The following MBD5 variants were observed in gnomAD, a reference collection of about 807,000 sequenced individuals.
The protein encoded by MBD5 is methyl-CpG binding domain protein 5.
MBD5 carries 13 observed loss-of-function variants against 117.3 expected under a neutral mutation model. The ratio of observed to expected loss-of-function variants is 0.11; its 90% CI spans 0.07 to 0.18. The LOEUF (loss-of-function observed/expected upper bound fraction) is 0.18, where lower values mean the gene tolerates loss of function less well. Among genes scored for constraint, MBD5 ranks in the 10% least tolerant of loss-of-function variants. The probability of loss-of-function intolerance (pLI) is 1.00; values close to 1 mark genes in which losing one functional copy is unlikely to be tolerated. For synonymous variants in MBD5, 727 were observed against 766.4 expected, an observed-to-expected ratio of 0.95 and a Z score of 0.85; for missense variants, 1,879 against 2,093.8, an observed-to-expected ratio of 0.90 and a Z score of 2.00.
At chr2:148,200,903 A>G (rs888684117) in intron 2 of MBD5, among the ~76,000 whole-genome samples, 3 of 152,198 alleles carry the variant, frequency 2.0e-5, no homozygotes, top group Non-Finnish European at 2.9e-5. Flanking sequence ...AGCTGCTTTA[A>G]AACTTTTTTT....
chr2:148,112,581 T>G (rs1696527082), intron 1 of MBD5, among the ~76,000 whole-genome samples: 1 of 152,212 alleles, frequency 6.6e-6, no homozygotes, highest in African/African-American at 2.4e-5. Context: ...TTTACAGTAC[T>G]TAATACAAAT....
At chr2:148,095,096 T>A (rs1376386379) in intron 1 of MBD5, among the ~76,000 whole-genome samples, 1 of 152,178 alleles carries the variant, frequency 6.6e-6, no homozygotes, top group Admixed American at 6.6e-5. Context: ...TCACTAAATA[T>A]AGTTAAAAGA....
chr2:148,349,596 A>C (rs1188597062), intron 4 of MBD5, among the ~76,000 whole-genome samples: 1 of 151,970 alleles, frequency 6.6e-6, no homozygotes, highest in East Asian at 1.9e-4. Context: ...ACAGCAGGAA[A>C]CTGAGGTTCT....
chr2:148,167,831 ATTTG>A (rs1297381385), intron 1 of MBD5, among the ~76,000 whole-genome samples: 26 of 151,770 alleles, frequency 1.7e-4, no homozygotes. Context: ...TTATTTGGTG[ATTTG>A]TTTGTTTGCT....
At chr2:148,265,061 A>ACG (rs1700823213) in intron 3 of MBD5, 1 of 97,812 alleles carries the variant, frequency 1.0e-5, no homozygotes, top group African/African-American at 3.4e-5. Context: ...GCATGTAGAC[A>ACG]CACGCACACA....
intron 4 of MBD5, among the ~76,000 whole-genome samples, chr2:148,433,316 T>C (rs1041157373): frequency 6.6e-6 from 1 of 152,186 alleles, no homozygotes; most frequent in Non-Finnish European, 1.5e-5. Context: ...GTAGTTTGAC[T>C]TCCTCTCTAT....
At chr2:148,319,332 A>T (rs1248812680) in intron 3 of MBD5, among the ~76,000 whole-genome samples, 1 of 152,212 alleles carries the variant, frequency 6.6e-6, no homozygotes, top group Non-Finnish European at 1.5e-5. Context: ...ATGAATCTGT[A>T]GATTGCTTTG....
chr2:148,295,104 G>A (rs1436562473), intron 3 of MBD5, among the ~76,000 whole-genome samples: 1 of 152,130 alleles, frequency 6.6e-6, no homozygotes. Context: ...AATTTTGGAA[G>A]TTTCCAGCCA....
intron 1 of MBD5, among the ~76,000 whole-genome samples, chr2:148,173,336 G>C (rs1488079122): frequency 1.3e-5 from 2 of 152,228 alleles, no homozygotes; most frequent in Non-Finnish European, 2.9e-5. Flanking sequence ...CCATAGCCTT[G>C]CACGTAGCTG....
intron 2 of MBD5, among the ~76,000 whole-genome samples, chr2:148,179,379 T>C (rs974507313): frequency 2.6e-5 from 4 of 151,668 alleles, no homozygotes; most frequent in African/African-American, 9.7e-5. Context: ...AAGTAACTTC[T>C]ATCAAACCTG....
chr2:148,308,065 A>G (rs926805788), intron 3 of MBD5, among the ~76,000 whole-genome samples: 5 of 152,124 alleles, frequency 3.3e-5, no homozygotes, highest in African/African-American at 9.7e-5. Context: ...GGTTGGTTCC[A>G]AGTCTTTGCT....
At chr2:148,386,488 G>A (rs1704366635) in intron 4 of MBD5, among the ~76,000 whole-genome samples, 1 of 151,932 alleles carries the variant, frequency 6.6e-6, no homozygotes, top group Non-Finnish European at 1.5e-5. Flanking sequence ...GGAGGCCGAG[G>A]CGGGCGGATC....
At chr2:148,088,799 GA>G (rs1340633648) in intron 1 of MBD5, among the ~76,000 whole-genome samples, 5 of 151,842 alleles carry the variant, frequency 3.3e-5, no homozygotes, top group Admixed American at 6.6e-5. Flanking sequence ...ATACCACAAT[GA>G]AAAAAATCTA....
At chr2:148,487,350 G>C (rs1681371068) in intron 10 of MBD5, among the ~76,000 whole-genome samples, 1 of 151,832 alleles carries the variant, frequency 6.6e-6, no homozygotes, top group Non-Finnish European at 1.5e-5. Context: ...AAGAAGGAGG[G>C]GAGCAAGGAA....
chr2:148,320,222 G>C (rs1363492983), intron 3 of MBD5, among the ~76,000 whole-genome samples: 1 of 152,096 alleles, frequency 6.6e-6, no homozygotes, highest in African/African-American at 2.4e-5. Flanking sequence ...TTGTGTCCTT[G>C]TCTGGTTTCA....
intron 1 of MBD5, among the ~76,000 whole-genome samples, chr2:148,091,083 G>A (rs1034635103): frequency 3.9e-5 from 6 of 152,074 alleles, no homozygotes; most frequent in African/African-American, 1.4e-4. Context: ...AAAATAAAAT[G>A]CTTAGGAAAT....
chr2:148,399,359 G>C (rs1282674405), intron 4 of MBD5, among the ~76,000 whole-genome samples: 2 of 151,956 alleles, frequency 1.3e-5, no homozygotes, highest in Non-Finnish European at 2.9e-5. Flanking sequence ...TCCTTGAAGA[G>C]GTCCTTCACA....
At chr2:148,043,726 A>G (rs1201757112) in intron 1 of MBD5, among the ~76,000 whole-genome samples, 1 of 152,182 alleles carries the variant, frequency 6.6e-6, no homozygotes, top group Non-Finnish European at 1.5e-5. Flanking sequence ...AAAGAAAGAT[A>G]TTTGTGCTGG....
intron 4 of MBD5, among the ~76,000 whole-genome samples, chr2:148,423,725 T>G (rs992808266): frequency 2.6e-5 from 4 of 152,030 alleles, no homozygotes; most frequent in Non-Finnish European, 5.9e-5. Flanking sequence ...GTAAACAGAC[T>G]AAGTGCCCCA....
Sources: allele counts gnomAD v4.1 joint callset (sites outside exome capture counted in the v4.1 genomes callset), GRCh38; gene constraint gnomAD v4.1.1; transcripts MANE v1.5; gene names NCBI Gene and HGNC (gene_info 2026-07-23, HGNC 2026-07-21).